PKIG: variants seen among roughly 807,000 people sequenced by gnomAD.
PKIG encodes the protein cAMP-dependent protein kinase inhibitor gamma.
Under a neutral mutation model 6.8 loss-of-function variants are expected in PKIG, and 1 was observed. That is an observed-to-expected ratio of 0.15 (90% CI 0.05 to 0.69). The LOEUF (loss-of-function observed/expected upper bound fraction) is 0.69. Ranked by LOEUF, PKIG falls within the 30% of genes least tolerant of loss-of-function variation. The pLI, the probability that PKIG is intolerant of heterozygous loss-of-function variation, is 0.82. For synonymous variants in PKIG, 39 were observed against 43.0 expected, an observed-to-expected ratio of 0.91 and a Z score of 0.36; for missense variants, 77 against 104.0, an observed-to-expected ratio of 0.74 and a Z score of 1.13.
Position 44,582,732 on chromosome 20 carries a change from G to A in PKIG, c.-94+1G>A, listed in dbSNP as rs377398434. On this transcript the variant is annotated splice_donor_variant, in intron 1 of 3. Transcript: ENST00000372886. LOFTEE classifies it low-confidence loss of function (5UTR_SPLICE). ...TGGATTTTGAGGAAACTTTGGTCTT[G>A]TAAGTAGAACTTTACTCTCCTCCCC... is the stretch of plus-strand genomic sequence containing the variant. 1.3e-5 allele frequency: 2 copies of A among 152,408 alleles called. No individual in the cohort carries two copies. The highest frequency in any genetic ancestry group is 3.7e-4 in the East Asian group (2 of 5,342). 9.4% of individuals were successfully genotyped at this position (152,408 alleles called of 1,614,324 possible). A position where few individuals can be genotyped will look rare whatever the true frequency, so the allele number is the denominator to read the frequency against.
At chr20:44,544,131 C>T (rs2064588930) in intron 1 of PKIG, among the ~76,000 whole-genome samples, 1 of 151,850 alleles carries the variant, frequency 6.6e-6, no homozygotes. Flanking sequence ...CAGAGAACTA[C>T]CCTAGAATCT....
chr20:44,547,709 G>A (rs2064628269), intron 1 of PKIG, among the ~76,000 whole-genome samples: 2 of 152,114 alleles, frequency 1.3e-5, no homozygotes, highest in Admixed American at 6.6e-5. Context: ...CAGTTTCTTC[G>A]TCGGAAAAAA....
At chr20:44,616,032 G>A (rs1320758327) in intron 3 of PKIG, among the ~76,000 whole-genome samples, 2 of 152,060 alleles carry the variant, frequency 1.3e-5, no homozygotes, top group Non-Finnish European at 2.9e-5. Context: ...CACCCTGCTC[G>A]CCTCTCCAGC....
At chr20:44,610,793 C>T (rs2123465462) in intron 2 of PKIG, among the ~76,000 whole-genome samples, 1 of 152,210 alleles carries the variant, frequency 6.6e-6, no homozygotes, top group South Asian at 2.1e-4. Context: ...TGTTGTTTTG[C>T]AACCTCTGTT....
At chr20:44,596,044 A>G (rs1234871312) in intron 2 of PKIG, among the ~76,000 whole-genome samples, 1 of 152,158 alleles carries the variant, frequency 6.6e-6, no homozygotes, top group Non-Finnish European at 1.5e-5. Context: ...CAGGAATCAG[A>G]TGGTTATTTA....
At chr20:44,601,494 T>C (rs2123428332) in intron 2 of PKIG, among the ~76,000 whole-genome samples, 1 of 152,356 alleles carries the variant, frequency 6.6e-6, no homozygotes, top group Non-Finnish European at 1.5e-5. Flanking sequence ...AATATTCTCA[T>C]TTTGGGGCTC....
intron 1 of PKIG, among the ~76,000 whole-genome samples, chr20:44,549,814 G>C (rs1230700894): frequency 1.3e-5 from 2 of 152,098 alleles, no homozygotes; most frequent in African/African-American, 4.8e-5. Context: ...AACAGCATGA[G>C]ATCTTTTCTC....
At chr20:44,544,117 C>G (rs565434352) in intron 1 of PKIG, among the ~76,000 whole-genome samples, 1 of 151,692 alleles carries the variant, frequency 6.6e-6, no homozygotes, top group African/African-American at 2.4e-5. Flanking sequence ...TTCTCAGAAG[C>G]CTCCAGAGAA....
At chr20:44,577,169 G>A (rs2064905924) in intron 1 of PKIG, among the ~76,000 whole-genome samples, 1 of 152,028 alleles carries the variant, frequency 6.6e-6, no homozygotes, top group Non-Finnish European at 1.5e-5. Context: ...GAATGCTGTG[G>A]CATGATCTCA....
chr20:44,596,027 C>T (rs2123407096), intron 2 of PKIG, among the ~76,000 whole-genome samples: 1 of 152,112 alleles, frequency 6.6e-6, no homozygotes, highest in Non-Finnish European at 1.5e-5. Context: ...TTTATTTGGT[C>T]AGGAGCCAGG....
intron 1 of PKIG, among the ~76,000 whole-genome samples, chr20:44,546,396 A>C (rs1479085204): frequency 3.9e-5 from 6 of 152,162 alleles, no homozygotes; most frequent in Non-Finnish European, 8.8e-5. Context: ...TGATTCCATC[A>C]AGGAGAGAAC....
At chr20:44,586,506 G>A (rs2064991151) in intron 1 of PKIG, among the ~76,000 whole-genome samples, 1 of 152,194 alleles carries the variant, frequency 6.6e-6, no homozygotes, top group South Asian at 2.1e-4. Context: ...AGCCAGTGCT[G>A]AGGCCAAAAG....
chr20:44,533,869 G>A (rs199783588), intron 1 of PKIG, among the ~76,000 whole-genome samples: 1 of 152,160 alleles, frequency 6.6e-6, no homozygotes, highest in East Asian at 1.9e-4. Context: ...CTGAGATGTC[G>A]AGTAATACAA....
intron 2 of PKIG, among the ~76,000 whole-genome samples, chr20:44,612,789 C>T (rs1045061867): frequency 6.6e-6 from 1 of 152,156 alleles, no homozygotes; most frequent in African/African-American, 2.4e-5. Flanking sequence ...TTTAGCCCAG[C>T]AGTTCTACTT....
intron 2 of PKIG, among the ~76,000 whole-genome samples, chr20:44,593,140 G>A (rs1218776378): frequency 6.7e-6 from 1 of 149,136 alleles, no homozygotes; most frequent in Non-Finnish European, 1.5e-5. Flanking sequence ...GCAACATAGC[G>A]AAACCCTGTT....
chr20:44,568,929 C>T (rs182857188), intron 1 of PKIG, among the ~76,000 whole-genome samples: 1 of 152,252 alleles, frequency 6.6e-6, no homozygotes, highest in Non-Finnish European at 1.5e-5. Context: ...AACTTTAAGT[C>T]AAGTCTTTGC....
intron 1 of PKIG, among the ~76,000 whole-genome samples, chr20:44,557,443 G>A (rs1321561963): frequency 1.3e-5 from 2 of 150,074 alleles, no homozygotes; most frequent in South Asian, 2.1e-4. Flanking sequence ...GGGGAATTGC[G>A]TGAACCTGGG....
intron 1 of PKIG, among the ~76,000 whole-genome samples, chr20:44,548,961 A>T (rs575732217): frequency 4.0e-5 from 6 of 151,790 alleles, no homozygotes; most frequent in Non-Finnish European, 8.8e-5. Flanking sequence ...AATATCCCTG[A>T]TGGTTTTAAT....
At chr20:44,586,554 T>G (rs1335934349) in intron 1 of PKIG, among the ~76,000 whole-genome samples, 2 of 152,180 alleles carry the variant, frequency 1.3e-5, no homozygotes, top group Non-Finnish European at 2.9e-5. Context: ...CAGAGGACCC[T>G]AGCCCAGCCA....
Sources: gnomAD v4.1 joint callset for allele counts (sites outside exome capture counted in the v4.1 genomes callset) on GRCh38, gnomAD v4.1.1 for gene constraint, MANE v1.5 for transcripts, NCBI Gene and HGNC (gene_info 2026-07-23, HGNC 2026-07-21) for gene names.